Variants in DDX21 observed in about 807,000 individuals in gnomAD.
DDX21 encodes the protein nucleolar RNA helicase 2.
DDX21 carries 18 observed loss-of-function variants against 90.0 expected under a neutral mutation model. That is an observed-to-expected ratio of 0.20 (90% CI 0.14 to 0.30). The LOEUF (loss-of-function observed/expected upper bound fraction) is 0.30. Among genes scored for constraint, DDX21 ranks in the 10% least tolerant of loss-of-function variants. The pLI is 1.00. For missense variants in DDX21, 673 were observed against 944.5 expected (o/e 0.71, Z 3.77); for synonymous variants, 294 against 318.0 (o/e 0.92, Z 0.80).
chr10:68,980,893 C>T (rs1843179841), intron 13 of DDX21, among the ~76,000 whole-genome samples: 1 of 144,376 alleles, frequency 6.9e-6, no homozygotes, highest in South Asian at 2.2e-4. Flanking sequence ...TTCAAAGTTA[C>T]AGTGAGTTGT....
At chr10:68,966,587 C>T (rs775496967) in intron 5 of DDX21, among the ~76,000 whole-genome samples, 24 of 151,938 alleles carry the variant, frequency 1.6e-4, no homozygotes, top group Non-Finnish European at 2.5e-4. Flanking sequence ...GGATTACAGG[C>T]GCCCACCACT....
chr10:68,959,805 GAAAGAGAAA>G lies in DDX21; in HGVS notation c.96_104del (p.Lys33_Lys35del). The G allele has an allele frequency of 6.6e-7, 1 of 1,523,620 alleles. No individual in the cohort carries two copies. Among genetic ancestry groups the G allele is most frequent in the Non-Finnish European group, 8.7e-7 (1 of 1,144,890 alleles). 94.4% of individuals were successfully genotyped at this position (1,523,620 alleles called of 1,614,324 possible). Reference sequence around the variant, plus strand: ...GTATTTTCCTTATGAATTTTTTTTAGAAAGAGAAAAAAGAGAAGCCAAAATCTGATAAGA... The same window carrying G: ...GTATTTTCCTTATGAATTTTTTTTAGAAAGAGAAGCCAAAATCTGATAAGA... On this transcript the variant is annotated inframe_deletion and splice_region_variant, in exon 2 of 15. Coordinates refer to ENST00000354185, the MANE Select transcript of DDX21 (RefSeq NM_004728.4).
intron 12 of DDX21, among the ~76,000 whole-genome samples, chr10:68,978,505 T>C (rs1843139211): frequency 6.6e-6 from 1 of 152,250 alleles, no homozygotes; most frequent in African/African-American, 2.4e-5. Flanking sequence ...TTTCTTTTCC[T>C]GTAAATTCAA....
In DDX21 at chr10:68,983,932, C is replaced by G. The variant is rs1033303466; in HGVS notation, c.*1120C>G. 2 of 152,116 alleles carry G rather than the reference C, an allele frequency of 1.3e-5. No homozygotes were observed. The highest frequency in any genetic ancestry group is 6.6e-5 in the Admixed American group (1 of 15,256). The allele number at this position is 152,116 out of a possible 1,614,324, so 9.4% of individuals were successfully genotyped here. A position where few individuals can be genotyped will look rare whatever the true frequency, so the allele number is the denominator to read the frequency against. On this transcript the variant is annotated 3_prime_UTR_variant, in exon 15 of 15. Coordinates refer to ENST00000354185, the MANE Select transcript of DDX21 (RefSeq NM_004728.4). Reference sequence around the variant, plus strand: ...AGTTCCTAAAGCCACAGTATAGGATCTGTTAAACTGAATGTCTGTTGAAAG... The same window carrying G: ...AGTTCCTAAAGCCACAGTATAGGATGTGTTAAACTGAATGTCTGTTGAAAG...
At chr10:68,969,946 TAAA>T (rs1842998587) in intron 7 of DDX21, among the ~76,000 whole-genome samples, 1 of 152,148 alleles carries the variant, frequency 6.6e-6, no homozygotes, top group Non-Finnish European at 1.5e-5. Context: ...TGTCAGAAAA[TAAA>T]GAAGTTAGAT....
chr10:68,980,570 A>G (rs968534138), intron 13 of DDX21, among the ~76,000 whole-genome samples: 16 of 152,206 alleles, frequency 1.1e-4, no homozygotes, highest in African/African-American at 3.6e-4. Flanking sequence ...ATGATTGGGT[A>G]AATTTTGGGG....
chr10:68,961,829 G>A (rs766481425), intron 2 of DDX21, among the ~76,000 whole-genome samples: 2 of 152,124 alleles, frequency 1.3e-5, no homozygotes, highest in Non-Finnish European at 2.9e-5. Context: ...TGAGATCTTA[G>A]TTGAGATCTA....
Position 68,956,334 on chromosome 10 carries a change from C to T in DDX21, c.87+22C>T, listed in dbSNP as rs373860935. 4.3e-4 allele frequency: 692 copies of T among 1,613,500 alleles called. 2 individuals carry two copies. Among genetic ancestry groups the T allele is most frequent in the Non-Finnish European group, 5.5e-4 (653 of 1,179,680 alleles). On this transcript the variant is annotated intron_variant, in intron 1 of 14. Transcript: ENST00000354185. Reference sequence around the variant, plus strand: ...GGAGGTGAAACGGAGGGACCTGGGGCCAGGAGGGACGCTGAATGGAGCGGA... The same window carrying T: ...GGAGGTGAAACGGAGGGACCTGGGGTCAGGAGGGACGCTGAATGGAGCGGA...
intron 9 of DDX21, among the ~76,000 whole-genome samples, chr10:68,972,446 C>G (rs1350237802): frequency 2.6e-5 from 4 of 152,152 alleles, no homozygotes; most frequent in Non-Finnish European, 5.9e-5. Context: ...ATAGGAACCT[C>G]TCAAGGAGGA....
intron 3 of DDX21, among the ~76,000 whole-genome samples, chr10:68,962,858 A>G (rs1842890585): frequency 1.3e-5 from 2 of 152,350 alleles, no homozygotes; most frequent in African/African-American, 4.8e-5. Context: ...GCACAGTTGG[A>G]TTGCAAAGCA....
chr10:68,963,120 C>T (rs1270288522), intron 3 of DDX21, among the ~76,000 whole-genome samples, 171 bp from the exon 4 acceptor site: 4 of 152,118 alleles, frequency 2.6e-5, no homozygotes, highest in Non-Finnish European at 5.9e-5. Context: ...AAAGCAAGAC[C>T]TTGTCTCTTA....
At position 68,960,172 on chromosome 10, in the gene DDX21, A is replaced by G. The variant is rs201461790; in HGVS notation, c.454A>G (p.Asn152Asp). The change falls in exon 2 of 15, where the codon AAT becomes GAT. Residue 152 changes from asparagine to aspartate, a missense_variant. By Grantham distance (23) the Asn-to-Asp change is conservative. Around this residue, in one of 4 missense-constraint regions of DDX21, gnomAD observed 204 missense variants for 221.6 expected, o/e 0.92. Transcript: ENST00000354185. ...TAGAGAGAAAAGCCCCAAACTGAAG[A>G]ATGGATTTCCTCATCCTGAACCGGA... ...ETREKSPKLK[N>D]GFPHPEPDCN... 6.8e-6 allele frequency: 11 copies of G among 1,613,880 alleles called. No individual in the cohort carries two copies. In the East Asian group the frequency reaches 2.5e-4, roughly 36 times the overall value.
At position 68,982,630 on chromosome 10, in the gene DDX21, T is replaced by G. The variant is rs983872374; in HGVS notation, c.2170T>G (p.Phe724Val). The change falls in exon 15 of 15, where the codon TTC becomes GTC. Residue 724 changes from phenylalanine to valine, a missense_variant. Phe to Val is a conservative substitution (Grantham distance 50, BLOSUM62 -1). This residue lies in a region of DDX21 where 225 missense variants were observed against 298.8 expected (regional missense o/e 0.75). Coordinates refer to ENST00000354185, the MANE Select transcript of DDX21 (RefSeq NM_004728.4). ...LEGPREGYGGFRGQREGSRGF... is the reference protein window; with the variant it reads ...LEGPREGYGGVRGQREGSRGF... ...AGGACCACGGGAAGGATATGGAGGC[T>G]TCAGGGGACAGCGGGAAGGCAGTCG... 6.2e-7 allele frequency: 1 copy of G among 1,613,102 alleles called. No homozygotes were observed. The highest frequency in any genetic ancestry group is 1.7e-4 in the Middle Eastern group (1 of 6,046).
intron 13 of DDX21, among the ~76,000 whole-genome samples, chr10:68,981,020 A>T (rs973465387): frequency 6.6e-6 from 1 of 152,202 alleles, no homozygotes. Flanking sequence ...GGCTGAATTA[A>T]GAAAAACCAG....
intron 6 of DDX21, 46 bp from the exon 7 acceptor site, chr10:68,968,929 CT>C: frequency 6.2e-7 from 1 of 1,600,474 alleles, no homozygotes; most frequent in Non-Finnish European, 8.5e-7. Context: ...ACTATGTAGG[CT>C]TGTTTGGATT....
rs769290517 is a variant in DDX21 at position 68,956,218 on chromosome 10, C to A, written c.-8C>A. On this transcript the variant is annotated 5_prime_UTR_variant, in exon 1 of 15. Coordinates refer to ENST00000354185, the MANE Select transcript of DDX21 (RefSeq NM_004728.4). ...AAGACCGGTCGGCCTGGGCAACCTGCGCTGAAGATGCCGGGAAAACTCCGT... is the reference window on the plus strand; with the variant it reads ...AAGACCGGTCGGCCTGGGCAACCTGAGCTGAAGATGCCGGGAAAACTCCGT... 3 of 1,613,770 alleles carry A rather than the reference C, an allele frequency of 1.9e-6. No homozygotes were observed. The highest frequency in any genetic ancestry group is 2.5e-6 in the Non-Finnish European group (3 of 1,179,838).
chr10:68,956,552 G>A (rs1842797711), intron 1 of DDX21: 4 of 1,361,350 alleles, frequency 2.9e-6, no homozygotes, highest in Admixed American at 3.1e-5. Flanking sequence ...GAGCTTATAG[G>A]CATCCACAGG....
At position 68,959,937 on chromosome 10, in the gene DDX21, A is replaced by G; in HGVS notation, c.219A>G (p.Lys73=). ...EPSEVDMNSP[K]SKKAKKKEEP... ...CTGAAGTTGACATGAATTCTCCTAA[A>G]TCCAAAAAGGCAAAAAAGAAAGAGG... Residue 73 remains lysine (K), a synonymous_variant, in exon 2 of 15, where the codon AAA becomes AAG. Transcript: ENST00000354185. The G allele has an allele frequency of 1.2e-6, 2 of 1,610,860 alleles. No individual in the cohort carries two copies. The highest frequency in any genetic ancestry group is 1.7e-6 in the Non-Finnish European group (2 of 1,179,560).
intron 8 of DDX21, among the ~76,000 whole-genome samples, chr10:68,971,273 C>T (rs1327437834): frequency 6.6e-6 from 1 of 151,638 alleles, no homozygotes; most frequent in Non-Finnish European, 1.5e-5. Flanking sequence ...TGAGGATGTA[C>T]AGGTTTGTTA....
Sources: gnomAD v4.1 joint callset for allele counts (sites outside exome capture counted in the v4.1 genomes callset) on GRCh38, gnomAD v4.1.1 for gene constraint, gnomAD v4.1.1 regional missense constraint, MANE v1.5 for transcripts, NCBI Gene and HGNC (gene_info 2026-07-23, HGNC 2026-07-21) for gene names.